ZFYVE27: variants seen among roughly 807,000 people sequenced by gnomAD.
The protein encoded by ZFYVE27 is zinc finger FYVE-type containing 27, also known as protrudin.
Under a neutral mutation model 52.8 loss-of-function variants are expected in ZFYVE27, and 36 were observed. The ratio of observed to expected loss-of-function variants is 0.68; its 90% CI spans 0.52 to 0.90. The LOEUF (loss-of-function observed/expected upper bound fraction) is 0.90. Among genes scored for constraint, ZFYVE27 ranks in the 40% least tolerant of loss-of-function variants. The probability of loss-of-function intolerance (pLI) is 0.00; values close to 1 mark genes in which losing one functional copy is unlikely to be tolerated. For missense variants in ZFYVE27, 450 were observed against 527.2 expected (o/e 0.85, Z 1.43); for synonymous variants, 223 against 215.6 (o/e 1.03, Z -0.30).
chr10:97,746,037 ATATATATATATATAT>A (rs1322344454), intron 4 of ZFYVE27, among the ~76,000 whole-genome samples: 1 of 53,052 alleles, frequency 1.9e-5, no homozygotes, highest in Non-Finnish European at 3.9e-5. Context: ...ACATATATAT[ATATATATATATATAT>A]TTTTTTTTTT....
rs377354164 is a variant in ZFYVE27, at chr10:97,743,085, G to C, written c.198-9G>C. ...CTCTCTGTAGTGATCAGGACTCTCT[G>C]TATTGTAGGTGGCAGATGCCTTTGT... is the stretch of plus-strand genomic sequence containing the variant. On this transcript the variant is annotated splice_polypyrimidine_tract_variant and intron_variant, in intron 2 of 12. Transcript: ENST00000684270. The C allele has an allele frequency of 3.1e-6, 5 of 1,614,054 alleles. No individual in the cohort carries two copies. Among genetic ancestry groups the C allele is most frequent in the African/African-American group, 1.3e-5 (1 of 74,926 alleles).
chr10:97,749,529 TG>T lies in ZFYVE27; in HGVS notation c.610del (p.Val204PhefsTer5). On this transcript the variant is annotated frameshift_variant, in exon 6 of 13. Coordinates refer to ENST00000684270, the MANE Select transcript of ZFYVE27 (RefSeq NM_001385875.1). LOFTEE classifies it high-confidence loss of function. ...CATGCTGTATTTGCTGCCACTCTGC[TG>T]GGTTCTCACCCTTTTAAACAGCACG... is the stretch of plus-strand genomic sequence containing the variant. Reference protein sequence around the residue: ...VCMLYLLPLCWVLTLLNSTLF... With the variant: ...VCMLYLLPLCXVLTLLNSTLF... The T allele has an allele frequency of 6.2e-7, 1 of 1,614,234 alleles. No homozygotes were observed. Among genetic ancestry groups the T allele is most frequent in the Non-Finnish European group, 8.5e-7 (1 of 1,180,044 alleles).
chr10:97,748,338 C>T lies in ZFYVE27; in HGVS notation c.525C>T (p.His175=), dbSNP rs924624638. The T allele has an allele frequency of 3.7e-6, 6 of 1,614,086 alleles. No homozygotes were observed. In the African/African-American group the frequency reaches 8.0e-5, roughly 22 times the overall value. The change falls in exon 5 of 13, where the codon CAC becomes CAT. Residue 175 remains histidine, a synonymous_variant. Coordinates refer to ENST00000684270, the MANE Select transcript of ZFYVE27 (RefSeq NM_001385875.1). ...CTCEAAYRVL[H]WENPVVSSQF... ...GTGAAGCCGCCTACCGCGTGCTGCACTGGGAGAACCCCGTCGTGTCCTCAC... is the reference window on the plus strand; with the variant it reads ...GTGAAGCCGCCTACCGCGTGCTGCATTGGGAGAACCCCGTCGTGTCCTCAC...
At chr10:97,754,161 A>G (rs1444615910) in intron 10 of ZFYVE27, among the ~76,000 whole-genome samples, 1 of 152,092 alleles carries the variant, frequency 6.6e-6, no homozygotes, top group African/African-American at 2.4e-5. Flanking sequence ...GAAGAAGACA[A>G]TGGAGTTTAT....
chr10:97,758,612 G>A (rs1224023949), intron 12 of ZFYVE27, among the ~76,000 whole-genome samples: 4 of 151,984 alleles, frequency 2.6e-5, no homozygotes, highest in Non-Finnish European at 4.4e-5. Context: ...GTGAGCCACC[G>A]CCCCCAGCCC....
chr10:97,753,064 A>G lies in ZFYVE27; in HGVS notation c.924A>G (p.Pro308=), dbSNP rs147182909. 2.5e-6 allele frequency: 4 copies of G among 1,611,982 alleles called. No homozygotes were observed. The highest frequency in any genetic ancestry group is 3.4e-6 in the Non-Finnish European group (4 of 1,179,304). The change falls in exon 10 of 13, where the codon CCA becomes CCG. Residue 308 remains proline (P), a synonymous_variant. Transcript: ENST00000684270. The part of the protein sequence containing the change: ...VLEDDEGAPC[P]AEDELALQDN... The stretch of plus-strand genomic sequence containing the variant: ...AGGATGATGAGGGCGCCCCGTGCCC[A>G]GCAGAGGATGAGCTGGCCCTGCAGG...
At chr10:97,739,380 AT>A (rs1374490661) in intron 2 of ZFYVE27, among the ~76,000 whole-genome samples, 1 of 152,044 alleles carries the variant, frequency 6.6e-6, no homozygotes, top group East Asian at 1.9e-4. Context: ...ATTTTTACTA[AT>A]TTATTGAGAT....
chr10:97,757,498 C>T (rs549767928), intron 11 of ZFYVE27, 144 bp from the exon 12 acceptor site: 5 of 1,235,626 alleles, frequency 4.0e-6, no homozygotes, highest in African/African-American at 3.0e-5. Flanking sequence ...GGGGGTATTC[C>T]ATTTGCTCTC....
intron 5 of ZFYVE27, among the ~76,000 whole-genome samples, chr10:97,748,763 A>C (rs1329561880): frequency 1.3e-5 from 2 of 152,098 alleles, no homozygotes; most frequent in African/African-American, 2.4e-5. Flanking sequence ...TAGCTTTTGG[A>C]ATTATTTATA....
chr10:97,753,123 G>A lies in ZFYVE27; in HGVS notation c.983G>A (p.Arg328His), dbSNP rs2047428489. ...NGFLSKNEVL[R>H]SKVSRLTERL... ...TTCCTGAGCAAGAATGAGGTGCTGC[G>A]CAGCAAGGTGTCTCGGCTCACGGAG... is the stretch of plus-strand genomic sequence containing the variant. The change falls in exon 10 of 13, where the codon CGC becomes CAC. Residue 328 changes from arginine (R) to histidine (H), a missense_variant. By Grantham distance (29) the Arg-to-His change is conservative. Transcript: ENST00000684270. The A allele has an allele frequency of 3.7e-6, 6 of 1,612,104 alleles. No homozygotes were observed. The highest frequency in any genetic ancestry group is 4.2e-6 in the Non-Finnish European group (5 of 1,179,416).
At chr10:97,746,974 A>C (rs539495727) in intron 4 of ZFYVE27, among the ~76,000 whole-genome samples, 2 of 152,330 alleles carry the variant, frequency 1.3e-5, no homozygotes, top group Admixed American at 1.3e-4. Context: ...TACAGGTGTG[A>C]GCCAGTGTGG....
At chr10:97,746,042 TATATA>T (rs2045276185) in intron 4 of ZFYVE27, among the ~76,000 whole-genome samples, 2 of 56,462 alleles carry the variant, frequency 3.5e-5, no homozygotes, top group African/African-American at 8.0e-5. Flanking sequence ...TATATATATA[TATATA>T]TATATTTTTT....
chr10:97,747,773 T>G (rs1350966731), intron 4 of ZFYVE27, among the ~76,000 whole-genome samples: 1 of 152,046 alleles, frequency 6.6e-6, no homozygotes, highest in Non-Finnish European at 1.5e-5. Context: ...TGTTTCCTGG[T>G]TTCCCTTCAG....
chr10:97,752,699 G>C (rs115674034), intron 8 of ZFYVE27, among the ~76,000 whole-genome samples, 158 bp from the exon 9 acceptor site: 1 of 152,210 alleles, frequency 6.6e-6, no homozygotes, highest in African/African-American at 2.4e-5. Context: ...ATCCTCTTGT[G>C]GGGGGCGTCT....
In ZFYVE27 at chr10:97,744,664, G is replaced by A. The variant is rs188283772; in HGVS notation, c.269-65G>A. 4.1e-5 allele frequency: 65 copies of A among 1,591,026 alleles called. No homozygotes were observed. In the East Asian group the frequency reaches 7.6e-4, roughly 19 times the overall value. Reference sequence around the variant, plus strand: ...AGGAGGTGAGGAACAAGCAGTGGGCGTCTGGGTGGGCCGACTCCTGGTCTT... The same window carrying A: ...AGGAGGTGAGGAACAAGCAGTGGGCATCTGGGTGGGCCGACTCCTGGTCTT... On this transcript the variant is annotated intron_variant, in intron 3 of 12. Coordinates refer to ENST00000684270, the MANE Select transcript of ZFYVE27 (RefSeq NM_001385875.1).
At chr10:97,743,841 C>G (rs2044425249) in intron 3 of ZFYVE27, among the ~76,000 whole-genome samples, 1 of 152,208 alleles carries the variant, frequency 6.6e-6, no homozygotes, top group Non-Finnish European at 1.5e-5. Context: ...TACCGTGACC[C>G]TACCCTATCC....
rs1166226201 is a variant in ZFYVE27, at chr10:97,744,759, T to C, written c.299T>C (p.Ile100Thr). ...GAWYSVGALMISVPALLGYLQ... is the reference protein window; with the variant it reads ...GAWYSVGALMTSVPALLGYLQ... ...TGGTACTCAGTAGGTGCCCTGATGA[T>C]TTCAGTGCCCGCCCTGCTGGGCTAC... The change falls in exon 4 of 13, where the codon ATT (isoleucine) becomes ACT (threonine). Residue 100 changes from isoleucine (I) to threonine (T), a missense_variant. Coordinates refer to ENST00000684270, the MANE Select transcript of ZFYVE27 (RefSeq NM_001385875.1). The C allele has an allele frequency of 6.2e-7, 1 of 1,613,966 alleles. No individual in the cohort carries two copies. Among genetic ancestry groups the C allele is most frequent in the South Asian group, 1.1e-5 (1 of 91,070 alleles).
At chr10:97,742,534 A>G (rs1205528258) in intron 2 of ZFYVE27, among the ~76,000 whole-genome samples, 1 of 152,188 alleles carries the variant, frequency 6.6e-6, no homozygotes, top group East Asian at 1.9e-4. Context: ...TTAAAATAAA[A>G]TCTTTACTAT....
intron 4 of ZFYVE27, among the ~76,000 whole-genome samples, chr10:97,746,508 G>A (rs928269082): frequency 1.3e-5 from 2 of 152,100 alleles, no homozygotes; most frequent in Non-Finnish European, 2.9e-5. Flanking sequence ...AGTTGCAAAC[G>A]TGACTTAATA....
Sources: gnomAD v4.1 joint callset for allele counts (sites outside exome capture counted in the v4.1 genomes callset) on GRCh38, gnomAD v4.1.1 for gene constraint, MANE v1.5 for transcripts, NCBI Gene and HGNC (gene_info 2026-07-23, HGNC 2026-07-21) for gene names.